NKAIN3: variants seen among roughly 807,000 people sequenced by gnomAD.
NKAIN3 encodes the protein sodium/potassium transporting ATPase interacting 3.
Under a neutral mutation model 30.2 loss-of-function variants are expected in NKAIN3, and 25 were observed. The ratio of observed to expected loss-of-function variants is 0.83; its 90% CI spans 0.60 to 1.16. The LOEUF (loss-of-function observed/expected upper bound fraction) is 1.16, where lower values mean the gene tolerates loss of function less well. NKAIN3 is among the 50% of genes most tolerant of loss of function. The pLI is 0.00. For missense variants in NKAIN3, 225 were observed against 254.1 expected, an observed-to-expected ratio of 0.89 and a Z score of 0.78; for synonymous variants, 91 against 89.6, an observed-to-expected ratio of 1.02 and a Z score of -0.09.
chr8:62,734,919 A>G (rs1346690468), intron 3 of NKAIN3, among the ~76,000 whole-genome samples: 1 of 152,256 alleles, frequency 6.6e-6, no homozygotes, highest in African/African-American at 2.4e-5. Context: ...GAAGAGGCTG[A>G]AGATAGGGCT....
intron 6 of NKAIN3, among the ~76,000 whole-genome samples, chr8:62,963,595 A>C (rs567833791): frequency 6.6e-6 from 1 of 152,348 alleles, no homozygotes; most frequent in South Asian, 2.1e-4. Context: ...ATAAACCTTG[A>C]AAATTCCTTC....
chr8:62,832,430 C>T (rs1298300135), intron 4 of NKAIN3, among the ~76,000 whole-genome samples: 3 of 151,922 alleles, frequency 2.0e-5, no homozygotes, highest in African/African-American at 7.3e-5. Flanking sequence ...AACTGCCTAA[C>T]ACCCCACTTA....
chr8:62,644,501 C>G (rs1366163874), intron 3 of NKAIN3, among the ~76,000 whole-genome samples: 1 of 151,994 alleles, frequency 6.6e-6, no homozygotes, highest in East Asian at 1.9e-4. Flanking sequence ...TTTAATATGT[C>G]TACCCTTATA....
chr8:62,683,482 G>A (rs528061172), intron 3 of NKAIN3, among the ~76,000 whole-genome samples: 1 of 152,306 alleles, frequency 6.6e-6, no homozygotes, highest in African/African-American at 2.4e-5. Flanking sequence ...AGCTCTTTAT[G>A]TGCAAGGAGT....
chr8:62,867,215 G>C (rs1212959339), intron 4 of NKAIN3, among the ~76,000 whole-genome samples: 1 of 151,968 alleles, frequency 6.6e-6, no homozygotes, highest in African/African-American at 2.4e-5. Flanking sequence ...AGAGTCATAC[G>C]CATCTGGGTT....
intron 4 of NKAIN3, among the ~76,000 whole-genome samples, chr8:62,839,243 TA>T (rs1819458487): frequency 6.6e-6 from 1 of 151,440 alleles, no homozygotes; most frequent in Non-Finnish European, 1.5e-5. Flanking sequence ...TCAACCAACT[TA>T]AAATCTGCTA....
At chr8:62,990,337 G>A in intron 5 of NKAIN3, 1 of 1,334,518 alleles carries the variant, frequency 7.5e-7, no homozygotes, top group African/African-American at 1.5e-5. Flanking sequence ...CTAAACCCCA[G>A]ATTCAACATC....
Position 62,823,586 on chromosome 8 carries a change from T to C in NKAIN3, c.471+76457T>C, listed in dbSNP as rs139668715. Among the ~76,000 whole-genome samples the C allele has an allele frequency of 2.8e-3, 420 of 152,276 alleles. 3 individuals carry two copies. The highest frequency in any genetic ancestry group is 9.7e-3 in the African/African-American group (405 of 41,568). The stretch of plus-strand genomic sequence containing the variant: ...AAAGAAGAATGTTGCTTTGAGACGA[T>C]TAAAACAGACTGATTAAGAAAGCCC... On this transcript the variant is annotated intron_variant, in intron 4 of 6. Transcript: ENST00000623646.
chr8:62,530,536 C>A (rs1808455771), intron 1 of NKAIN3, among the ~76,000 whole-genome samples: 1 of 152,034 alleles, frequency 6.6e-6, no homozygotes, highest in Non-Finnish European at 1.5e-5. Context: ...AAATAAATTC[C>A]CCTAAGAGGT....
chr8:62,989,564 T>A (rs1824274747), downstream of NKAIN3, among the ~76,000 whole-genome samples: 1 of 152,008 alleles, frequency 6.6e-6, no homozygotes, highest in Non-Finnish European at 1.5e-5. Context: ...TCCCACAACA[T>A]GTGGGAATTA....
At chr8:62,809,997 G>T (rs182325788) in intron 4 of NKAIN3, among the ~76,000 whole-genome samples, 2 of 152,182 alleles carry the variant, frequency 1.3e-5, no homozygotes, top group African/African-American at 2.4e-5. Flanking sequence ...TTTAAGAATC[G>T]CATGGTTTAT....
intron 3 of NKAIN3, among the ~76,000 whole-genome samples, chr8:62,595,770 G>T (rs1274820480): frequency 1.3e-5 from 2 of 151,946 alleles, no homozygotes. Context: ...TGTAGTAGGG[G>T]TTGTGCAGTT....
chr8:62,346,107 C>T (rs13268692), intron 1 of NKAIN3, among the ~76,000 whole-genome samples: 1 of 151,894 alleles, frequency 6.6e-6, no homozygotes, highest in Non-Finnish European at 1.5e-5. Flanking sequence ...GGTTAGTAAA[C>T]ACGTGAAACG....
In NKAIN3 at chr8:62,746,924, C is replaced by A. The variant is rs997356637; in HGVS notation, c.274-8C>A. On this transcript the variant is annotated splice_region_variant and splice_polypyrimidine_tract_variant and intron_variant, in intron 3 of 6. Coordinates refer to ENST00000623646, the MANE Select transcript of NKAIN3 (RefSeq NM_001304533.3). ...CTCATTTTGCTCTTTTGTCTCCTAC[C>A]CACCTAGGACACCGATCTAATGACA... is the stretch of plus-strand genomic sequence containing the variant. 1.3e-6 allele frequency: 2 copies of A among 1,582,424 alleles called. No individual in the cohort carries two copies. Among genetic ancestry groups the A allele is most frequent in the Non-Finnish European group, 1.7e-6 (2 of 1,154,660 alleles).
chr8:62,804,535 A>G (rs1273870809), intron 4 of NKAIN3, among the ~76,000 whole-genome samples: 2 of 152,162 alleles, frequency 1.3e-5, no homozygotes, highest in African/African-American at 4.8e-5. Context: ...TATAAACAGA[A>G]CCAAAGACAA....
intron 3 of NKAIN3, among the ~76,000 whole-genome samples, chr8:62,693,221 GT>G: frequency 6.6e-6 from 1 of 152,146 alleles, no homozygotes; most frequent in Non-Finnish European, 1.5e-5. Flanking sequence ...TTGGAAGATG[GT>G]TTTACTGATG....
intron 3 of NKAIN3, among the ~76,000 whole-genome samples, chr8:62,699,335 A>G (rs544595111): frequency 1.7e-4 from 26 of 152,360 alleles, no homozygotes; most frequent in Admixed American, 1.4e-3. Flanking sequence ...TTAATTCTAA[A>G]TCAATTACTT....
intron 3 of NKAIN3, among the ~76,000 whole-genome samples, chr8:62,606,393 A>G (rs1413306459): frequency 6.6e-6 from 1 of 152,124 alleles, no homozygotes; most frequent in East Asian, 1.9e-4. Flanking sequence ...TGTGCTCCTC[A>G]ACTCTAAGAC....
chr8:62,972,556 G>C lies in NKAIN3; in HGVS notation c.*7149G>C, dbSNP rs939763965. 1.1e-4 allele frequency among the ~76,000 whole-genome samples: 16 copies of C among 152,048 alleles called. No individual in the cohort carries two copies. Among genetic ancestry groups the C allele is most frequent in the African/African-American group, 3.6e-4 (15 of 41,396 alleles). On this transcript the variant is annotated 3_prime_UTR_variant, in exon 7 of 7. Transcript: ENST00000623646. Reference sequence around the variant, plus strand: ...AATCAAGTTCGTCGTCTATTTACGTGCTTCTCAGTTGACATTTGTGAAGGC... The same window carrying C: ...AATCAAGTTCGTCGTCTATTTACGTCCTTCTCAGTTGACATTTGTGAAGGC...
Sources: gnomAD v4.1 joint callset for allele counts (sites outside exome capture counted in the v4.1 genomes callset) on GRCh38, gnomAD v4.1.1 for gene constraint, MANE v1.5 for transcripts, NCBI Gene and HGNC (gene_info 2026-07-23, HGNC 2026-07-21) for gene names.